Variants in RAB11FIP4 observed in about 807,000 individuals in gnomAD.
The protein encoded by RAB11FIP4 is RAB11 family interacting protein 4.
Under a neutral mutation model 74.3 loss-of-function variants are expected in RAB11FIP4, and 23 were observed. The ratio of observed to expected loss-of-function variants is 0.31; its 90% CI spans 0.22 to 0.44. The LOEUF is 0.44. RAB11FIP4 is among the 20% of genes least tolerant of loss of function. RAB11FIP4 has a pLI of 1.00. For missense variants in RAB11FIP4, 630 were observed against 863.9 expected (o/e 0.73, Z 3.39); for synonymous variants, 360 against 359.9 (o/e 1.00, Z 0.00).
At chr17:31,505,371 TGTTTGCTTATTCCATCA>T (rs1236024770) in intron 3 of RAB11FIP4, among the ~76,000 whole-genome samples, 2 of 133,772 alleles carry the variant, frequency 1.5e-5, no homozygotes, top group Non-Finnish European at 3.1e-5. Context: ...CTAATTCTCT[TGTTTGCTTATTCCATCA>T]GTAATAATAA....
Position 31,517,807 on chromosome 17 carries a change from C to T in RAB11FIP4, c.493C>T (p.Leu165=). The T allele has an allele frequency of 1.3e-6, 2 of 1,553,560 alleles. No individual in the cohort carries two copies. Among genetic ancestry groups the T allele is most frequent in the African/African-American group, 1.4e-5 (1 of 73,424 alleles). Residue 165 remains leucine (L), a synonymous_variant, in exon 4 of 15, where the codon CTG becomes TTG. Transcript: ENST00000621161. Reference sequence around the variant, plus strand: ...CAGCCCCATGGAGAGCACTCAGAGCCTGGAGGGGTCTGTCGGGAGTCCTGC... The same window carrying T: ...CAGCCCCATGGAGAGCACTCAGAGCTTGGAGGGGTCTGTCGGGAGTCCTGC... ...TDSPMESTQS[L]EGSVGSPAEK...
In RAB11FIP4 at chr17:31,537,255, G is replaced by A; in HGVS notation, c.*5523G>A. The A allele has an allele frequency of 2.5e-6, 1 of 398,950 alleles. No individual in the cohort carries two copies. The highest frequency in any genetic ancestry group is 4.4e-6 in the Non-Finnish European group (1 of 226,078). The allele number at this position is 398,950 out of a possible 1,614,324, so 24.7% of individuals were successfully genotyped here. ...CTGTAAATGTGTACTTTTTCAACGT[G>A]CCTCCCCCAGGTGAGGCCAGCTCTC... On this transcript the variant is annotated 3_prime_UTR_variant, in exon 15 of 15. Transcript: ENST00000621161.
Position 31,517,792 on chromosome 17 carries a change from G to C in RAB11FIP4, c.478G>C (p.Glu160Gln). The C allele has an allele frequency of 1.3e-6, 2 of 1,557,842 alleles. No individual in the cohort carries two copies. Among genetic ancestry groups the C allele is most frequent in the Non-Finnish European group, 1.7e-6 (2 of 1,150,192 alleles). Residue 160 changes from glutamate to glutamine, a missense_variant, in exon 4 of 15, where the codon GAG becomes CAG. Transcript: ENST00000621161. ...PQELYTDSPM[E>Q]STQSLEGSVG... is the part of the protein sequence containing the mutation. Reference sequence around the variant, plus strand: ...GGAGTTGTACACAGACAGCCCCATGGAGAGCACTCAGAGCCTGGAGGGGTC... The same window carrying C: ...GGAGTTGTACACAGACAGCCCCATGCAGAGCACTCAGAGCCTGGAGGGGTC...
At chr17:31,397,337 G>A (rs924968024) in intron 1 of RAB11FIP4, among the ~76,000 whole-genome samples, 1 of 152,176 alleles carries the variant, frequency 6.6e-6, no homozygotes. Flanking sequence ...TGTGGCACAT[G>A]GTAAGAGAGG....
intron 13 of RAB11FIP4, among the ~76,000 whole-genome samples, chr17:31,529,856 TG>T (rs2072835700): frequency 1.3e-5 from 2 of 152,314 alleles, no homozygotes; most frequent in South Asian, 4.1e-4. Context: ...AGGCAAAAGC[TG>T]GAGTGTGAGA....
chr17:31,489,534 C>T (rs11867925), intron 3 of RAB11FIP4, among the ~76,000 whole-genome samples: 30,595 of 152,112 alleles, frequency 0.2, 3,836 homozygotes, highest in African/African-American at 0.34. Flanking sequence ...TGGCCCAAAC[C>T]TTACCCTGCT....
At chr17:31,488,122 G>A (rs2071933101) in intron 3 of RAB11FIP4, 18 of 1,029,952 alleles carry the variant, frequency 1.7e-5, no homozygotes, top group South Asian at 4.6e-5. Flanking sequence ...GTGCCCAGAA[G>A]TGCGAGCGGC....
rs117049853 is a variant in RAB11FIP4 at position 31,516,087 on chromosome 17, C to T, written c.337-1564C>T. Among the ~76,000 whole-genome samples the T allele has an allele frequency of 6.2e-3, 946 of 152,178 alleles. 3 individuals carry two copies. Among genetic ancestry groups the T allele is most frequent in the Middle Eastern group, 0.017 (5 of 294 alleles). On this transcript the variant is annotated intron_variant, in intron 3 of 14. Coordinates refer to ENST00000621161, the MANE Select transcript of RAB11FIP4 (RefSeq NM_032932.6). ...TTGAGGTCCTACTGTGTGTCAGATG[C>T]GAACGTGAAATACCTCATTTAATCA...
At chr17:31,417,844 A>G (rs1375886078) in intron 1 of RAB11FIP4, among the ~76,000 whole-genome samples, 1 of 152,208 alleles carries the variant, frequency 6.6e-6, no homozygotes, top group Non-Finnish European at 1.5e-5. Flanking sequence ...TATGCCTGTA[A>G]TCCCAACACT....
At chr17:31,394,950 GC>G (rs1301972740) in intron 1 of RAB11FIP4, among the ~76,000 whole-genome samples, 3 of 113,858 alleles carry the variant, frequency 2.6e-5, no homozygotes, top group Non-Finnish European at 5.8e-5. Flanking sequence ...GGGGGGGGGG[GC>G]TCCCTTACGA....
intron 3 of RAB11FIP4, among the ~76,000 whole-genome samples, chr17:31,469,757 G>A (rs931039514): frequency 1.3e-5 from 2 of 152,094 alleles, no homozygotes; most frequent in African/African-American, 4.8e-5. Flanking sequence ...CTCATTTCTG[G>A]TTTGCTTGCA....
rs1028590813 is a variant in RAB11FIP4 at position 31,535,843 on chromosome 17, C to T, written c.*4111C>T. 3.3e-5 allele frequency: 5 copies of T among 152,248 alleles called. No individual in the cohort carries two copies. The highest frequency in any genetic ancestry group is 1.2e-4 in the African/African-American group (5 of 41,454). 9.4% of individuals were successfully genotyped at this position (152,248 alleles called of 1,614,324 possible). ...GTGGGGCTGTCCCCCTGAAAGCAGC[C>T]GCAGAAACAGCTGCCACCTATTTGC... is the stretch of plus-strand genomic sequence containing the variant. On this transcript the variant is annotated 3_prime_UTR_variant, in exon 15 of 15. Coordinates refer to ENST00000621161, the MANE Select transcript of RAB11FIP4 (RefSeq NM_032932.6).
rs1049701689 is a variant in RAB11FIP4 at position 31,536,041 on chromosome 17, G to A, written c.*4309G>A. On this transcript the variant is annotated 3_prime_UTR_variant, in exon 15 of 15. Transcript: ENST00000621161. ...GGTGCTGGTGTTCAGGGGAGTTGGG[G>A]GGGGGGGGCGCGGGGACAGAAGCGC... The A allele has an allele frequency of 3.3e-5, 5 of 151,608 alleles. No homozygotes were observed. Among genetic ancestry groups the A allele is most frequent in the Middle Eastern group, 3.4e-3 (1 of 292 alleles). The allele number at this position is 151,608 out of a possible 1,614,324, so 9.4% of individuals were successfully genotyped here.
At position 31,421,715 on chromosome 17, in the gene RAB11FIP4, G is replaced by A. The variant is rs1269748414; in HGVS notation, c.160-10098G>A. Among the ~76,000 whole-genome samples, 4 of 150,532 alleles carry A rather than the reference G, an allele frequency of 2.7e-5. No individual in the cohort carries two copies. The South Asian group carries it at 6.3e-4, about 24-fold the overall frequency. Reference sequence around the variant, plus strand: ...TGGGATTACAGGTGCCCACCACCACGCCCAGCTAATTTTTTGTATTTTTAG... The same window carrying A: ...TGGGATTACAGGTGCCCACCACCACACCCAGCTAATTTTTTGTATTTTTAG... On this transcript the variant is annotated intron_variant, in intron 1 of 14. Transcript: ENST00000621161.
chr17:31,511,855 G>T (rs1269461198), intron 3 of RAB11FIP4, among the ~76,000 whole-genome samples: 1 of 152,242 alleles, frequency 6.6e-6, no homozygotes, highest in Non-Finnish European at 1.5e-5. Flanking sequence ...AAAAGAAGGG[G>T]TGACTTGGGG....
At position 31,447,360 on chromosome 17, in the gene RAB11FIP4, G is replaced by A. The variant is rs576138966; in HGVS notation, c.336+13238G>A. Among the ~76,000 whole-genome samples the A allele has an allele frequency of 3.9e-5, 6 of 152,336 alleles. No homozygotes were observed. The South Asian group carries it at 1.2e-3, about 32-fold the overall frequency. On this transcript the variant is annotated intron_variant, in intron 3 of 14. Transcript: ENST00000621161. ...GCACCTGTGTGTCCCAGCTACTTGG[G>A]AGGCTGAGGCAGGAGGATTGCTTAA... is the stretch of plus-strand genomic sequence containing the variant.
chr17:31,403,010 C>T (rs1348466706), intron 1 of RAB11FIP4, among the ~76,000 whole-genome samples: 1 of 152,092 alleles, frequency 6.6e-6, no homozygotes, highest in Non-Finnish European at 1.5e-5. Context: ...ATTTGTGGCA[C>T]TGTTGTGATG....
Position 31,512,602 on chromosome 17 carries a change from A to G in RAB11FIP4, c.337-5049A>G, listed in dbSNP as rs539726893. Among the ~76,000 whole-genome samples the G allele has an allele frequency of 6.6e-6, 1 of 152,244 alleles. No individual in the cohort carries two copies. Among genetic ancestry groups the G allele is most frequent in the South Asian group, 2.1e-4 (1 of 4,830 alleles). On this transcript the variant is annotated intron_variant, in intron 3 of 14. Transcript: ENST00000621161. This position sits in a 1 kb window ranked among gnomAD's most constrained non-coding sequence, Gnocchi z 4.1. ...GGTGGCTGGCCCTGTGTCCCAGGGTACAGGGAGCTGTGAGCTCAGGGCTGG... is the reference window on the plus strand; with the variant it reads ...GGTGGCTGGCCCTGTGTCCCAGGGTGCAGGGAGCTGTGAGCTCAGGGCTGG...
chr17:31,474,683 A>G (rs199508942), intron 3 of RAB11FIP4, among the ~76,000 whole-genome samples: 2 of 125,802 alleles, frequency 1.6e-5, no homozygotes, highest in South Asian at 2.7e-4. Context: ...AAAAAAAAAA[A>G]AGAGAGAAAG....
Sources: gnomAD v4.1 joint callset for allele counts (sites outside exome capture counted in the v4.1 genomes callset) on GRCh38, gnomAD v4.1.1 for gene constraint, Gnocchi (gnomAD v3.1) non-coding constraint, MANE v1.5 for transcripts, NCBI Gene and HGNC (gene_info 2026-07-23, HGNC 2026-07-21) for gene names.